ABR: variants seen among roughly 807,000 people sequenced by gnomAD.
ABR encodes the protein ABR activator of RhoGEF and GTPase.
A neutral mutation model predicts 107.2 loss-of-function variants in ABR; 35 were observed. That is an observed-to-expected ratio of 0.33 (90% CI 0.25 to 0.43). ABR has a LOEUF of 0.43. Among genes scored for constraint, ABR ranks in the 20% least tolerant of loss-of-function variants. The probability of loss-of-function intolerance (pLI) is 1.00; values close to 1 mark genes in which losing one functional copy is unlikely to be tolerated. For synonymous variants in ABR, 498 were observed against 462.0 expected, an observed-to-expected ratio of 1.08 and a Z score of -1.00; for missense variants, 815 against 1,115.2, an observed-to-expected ratio of 0.73 and a Z score of 3.83.
chr17:1,120,373 T>C (rs533634045), intron 2 of ABR, among the ~76,000 whole-genome samples: 2 of 152,166 alleles, frequency 1.3e-5, no homozygotes, highest in South Asian at 2.1e-4. Context: ...CACTGGGTTC[T>C]AGCAATTCTC....
rs567280650 is a variant in ABR, at chr17:1,110,223, C to A, written c.247-9488G>T. Reference sequence around the variant, plus strand: ...GCAGGGAGTGAGGCCACATTCTGGTCCCCCTGGCCCTAGTTCCCAGATGCA... The same window carrying A: ...GCAGGGAGTGAGGCCACATTCTGGTACCCCTGGCCCTAGTTCCCAGATGCA... On this transcript the variant is annotated intron_variant, in intron 2 of 22. Transcript: ENST00000302538. Among the ~76,000 whole-genome samples the A allele has an allele frequency of 3.9e-5, 6 of 152,048 alleles. No homozygotes were observed. In the South Asian group the frequency reaches 1.2e-3, roughly 32 times the overall value.
chr17:1,202,888 A>C (rs1049098138), intron 1 of ABR, among the ~76,000 whole-genome samples: 19 of 39,118 alleles, frequency 4.9e-4, no homozygotes, highest in Non-Finnish European at 2.9e-4. Context: ...TTTTGCCATT[A>C]CTTTTTTTTT....
intron 16 of ABR, among the ~76,000 whole-genome samples, chr17:1,025,523 G>A (rs1259963162): frequency 1.3e-5 from 2 of 152,196 alleles, no homozygotes; most frequent in East Asian, 1.9e-4. Context: ...GCCCCACGTC[G>A]CCTGGCCGCC....
intron 2 of ABR, among the ~76,000 whole-genome samples, chr17:1,109,728 G>A (rs2038544489): frequency 6.6e-6 from 1 of 152,012 alleles, no homozygotes; most frequent in African/African-American, 2.4e-5. Context: ...TCCCGCCGCC[G>A]CTGGAGGAGT....
intron 9 of ABR, among the ~76,000 whole-genome samples, chr17:1,068,894 G>A (rs190541949): frequency 1.1e-4 from 16 of 152,314 alleles, no homozygotes; most frequent in Admixed American, 1.0e-3. Flanking sequence ...GTGTTGGGAG[G>A]ACTAGAAATC....
rs961229887 is a variant in ABR at position 1,150,918 on chromosome 17, A to G, written c.62-25551T>C. On this transcript the variant is annotated intron_variant, in intron 1 of 22. Transcript: ENST00000302538. This position sits in a 1 kb window ranked among gnomAD's most constrained non-coding sequence, Gnocchi z 4.8. Reference sequence around the variant, plus strand: ...TGTGCATATATATACACATGTGCACACACACACTCCTGGGGGTGAGGAGGT... The same window carrying G: ...TGTGCATATATATACACATGTGCACGCACACACTCCTGGGGGTGAGGAGGT... Among the ~76,000 whole-genome samples, 19 of 152,154 alleles carry G rather than the reference A, an allele frequency of 1.2e-4. No homozygotes were observed. The highest frequency in any genetic ancestry group is 8.5e-4 in the Admixed American group (13 of 15,278).
chr17:1,168,140 G>T (rs2041585377), intron 1 of ABR, among the ~76,000 whole-genome samples: 1 of 152,128 alleles, frequency 6.6e-6, no homozygotes, highest in Non-Finnish European at 1.5e-5. Flanking sequence ...TACAAAATTA[G>T]CCGGGCATGG....
chr17:1,201,350 G>A (rs963379801), intron 1 of ABR, among the ~76,000 whole-genome samples: 7 of 152,092 alleles, frequency 4.6e-5, no homozygotes, highest in African/African-American at 1.7e-4. Context: ...TGCTTTAACT[G>A]AGATTGTTAA....
intron 16 of ABR, among the ~76,000 whole-genome samples, chr17:1,035,130 C>T (rs77603778): frequency 0.011 from 1,679 of 151,862 alleles, 20 homozygotes; most frequent in Non-Finnish European, 0.018. Context: ...CCCCCAAGCC[C>T]GACTCATTGC....
At position 1,062,489 on chromosome 17, in the gene ABR, A is replaced by C. The variant is rs1490850831; in HGVS notation, c.1183-3622T>G. On this transcript the variant is annotated intron_variant, in intron 10 of 22. Coordinates refer to ENST00000302538, the MANE Select transcript of ABR (RefSeq NM_021962.5). ...GAGGGCTATGCATGTTCCTCCAGAC[A>C]CTGTTGTTATGTGAACTGAGGGATA... is the stretch of plus-strand genomic sequence containing the variant. Among the ~76,000 whole-genome samples, 4 of 104,638 alleles carry C rather than the reference A, an allele frequency of 3.8e-5. No homozygotes were observed. In the East Asian group the frequency reaches 1.1e-3, roughly 30 times the overall value. 68.6% of individuals were successfully genotyped at this position (104,638 alleles called of 152,430 possible).
rs1469686223 is a variant in ABR at position 1,011,895 on chromosome 17, T to G, written c.2052A>C (p.Ile684=). 6.2e-7 allele frequency: 1 copy of G among 1,608,608 alleles called. No homozygotes were observed. The highest frequency in any genetic ancestry group is 1.1e-5 in the South Asian group (1 of 90,822). The change falls in exon 19 of 23, where the codon ATA becomes ATC. Residue 684 remains isoleucine (I), a synonymous_variant. Transcript: ENST00000302538. The surrounding 1 kb of genome is among the most constrained non-coding windows in gnomAD (Gnocchi z 4.8). The part of the protein sequence containing the change: ...RGIEEVGIYR[I]SGVATDIQAL... Reference sequence around the variant, plus strand: ...CCTGGATGTCCGTGGCCACGCCCGATATCCTGTAGATGCCAACCTCCTCGA... The same window carrying G: ...CCTGGATGTCCGTGGCCACGCCCGAGATCCTGTAGATGCCAACCTCCTCGA...
intron 3 of ABR, among the ~76,000 whole-genome samples, chr17:1,095,315 C>T (rs975447546): frequency 9.2e-5 from 14 of 152,204 alleles, no homozygotes; most frequent in African/African-American, 2.7e-4. Context: ...GTCACAAGGA[C>T]GGGGCCTGCG....
At chr17:1,086,218 G>C (rs1042621764) in intron 4 of ABR, among the ~76,000 whole-genome samples, 3 of 152,170 alleles carry the variant, frequency 2.0e-5, no homozygotes, top group African/African-American at 7.2e-5. Context: ...ATTTCCATTA[G>C]ACAGCAGTGC....
chr17:1,125,607 T>C (rs930484307), intron 1 of ABR: 3 of 368,694 alleles, frequency 8.1e-6, no homozygotes, highest in African/African-American at 6.4e-5. Flanking sequence ...GGCTCTGCTG[T>C]TGCTACCCGA....
At chr17:1,090,569 A>T (rs2036953250) in intron 4 of ABR, among the ~76,000 whole-genome samples, 1 of 152,084 alleles carries the variant, frequency 6.6e-6, no homozygotes, top group Non-Finnish European at 1.5e-5. Flanking sequence ...AGTCTGAAGC[A>T]CTCGGTGAGG....
At chr17:1,106,569 G>A (rs1023663438) in intron 2 of ABR, among the ~76,000 whole-genome samples, 19 of 124,544 alleles carry the variant, frequency 1.5e-4, no homozygotes, top group African/African-American at 5.3e-4. Context: ...TCACCCTGTC[G>A]CCCAGGCTGG....
At position 1,010,115 on chromosome 17, in the gene ABR, A is replaced by G; in HGVS notation, c.2237-331T>C. The G allele has an allele frequency of 2.5e-6, 1 of 397,548 alleles. No individual in the cohort carries two copies. Among genetic ancestry groups the G allele is most frequent in the Admixed American group, 3.6e-5 (1 of 27,482 alleles). 24.6% of individuals were successfully genotyped at this position (397,548 alleles called of 1,614,324 possible). On this transcript the variant is annotated intron_variant, in intron 20 of 22. Transcript: ENST00000302538. This position sits in a 1 kb window ranked among gnomAD's most constrained non-coding sequence, Gnocchi z 4.1. ...TCTGTGTGGCTAAGGTTAAGCCAGT[A>G]GGGACATATCCTGCCAGCGGTGGAT...
intron 16 of ABR, among the ~76,000 whole-genome samples, chr17:1,029,310 G>GAC (rs758404085): frequency 0.37 from 56,283 of 151,368 alleles, 11,049 homozygotes; most frequent in South Asian, 0.6. Context: ...CAACCACAGG[G>GAC]ACCCCCGCTG....
chr17:1,049,084 G>A (rs2032116353), intron 16 of ABR, among the ~76,000 whole-genome samples: 1 of 152,196 alleles, frequency 6.6e-6, no homozygotes, highest in Non-Finnish European at 1.5e-5. Context: ...AAAATTGGCA[G>A]AATGTTTCAG....
Sources: gnomAD v4.1 joint callset for allele counts (sites outside exome capture counted in the v4.1 genomes callset) on GRCh38, gnomAD v4.1.1 for gene constraint, Gnocchi (gnomAD v3.1) non-coding constraint, MANE v1.5 for transcripts, NCBI Gene and HGNC (gene_info 2026-07-23, HGNC 2026-07-21) for gene names.